The following KDM3B variants were observed in gnomAD, a reference collection of about 807,000 sequenced individuals.
KDM3B encodes lysine demethylase 3B, also known as lysine-specific demethylase 3B.
A neutral mutation model predicts 170.0 loss-of-function variants in KDM3B; 10 were observed. The ratio of observed to expected loss-of-function variants is 0.06; its 90% CI spans 0.04 to 0.10. The LOEUF (loss-of-function observed/expected upper bound fraction) is 0.10, where lower values mean the gene tolerates loss of function less well. Ranked by LOEUF, KDM3B falls within the 10% of genes least tolerant of loss-of-function variation. The pLI, the probability that KDM3B is intolerant of heterozygous loss-of-function variation, is 1.00. For missense variants in KDM3B, 1,394 were observed against 2,195.2 expected, an observed-to-expected ratio of 0.64 and a Z score of 7.29; for synonymous variants, 831 against 834.8, an observed-to-expected ratio of 1.00 and a Z score of 0.08.
chr5:138,410,548 G>A (rs189042381), intron 11 of KDM3B, among the ~76,000 whole-genome samples: 107 of 152,226 alleles, frequency 7.0e-4, no homozygotes, highest in African/African-American at 2.4e-3. Context: ...GTCTCTCCCC[G>A]TGTGCGGCGA....
At chr5:138,361,599 A>G (rs2126909121) in intron 1 of KDM3B, among the ~76,000 whole-genome samples, 1 of 152,346 alleles carries the variant, frequency 6.6e-6, no homozygotes, top group African/African-American at 2.4e-5. Context: ...TGTTTAAAGC[A>G]AGCAGCCTTG....
chr5:138,433,770 G>A (rs1275064257), intron 23 of KDM3B, among the ~76,000 whole-genome samples: 4 of 151,480 alleles, frequency 2.6e-5, no homozygotes, highest in African/African-American at 9.7e-5. Flanking sequence ...ATGGAGTCCC[G>A]CTCCGTTGCC....
chr5:138,424,397 C>G (rs1390964219), intron 16 of KDM3B, 56 bp downstream of exon 16: 2 of 1,553,796 alleles, frequency 1.3e-6, no homozygotes, highest in Non-Finnish European at 1.7e-6. Context: ...ACCACAGATA[C>G]CTGGACAATT....
chr5:138,359,454 G>GCC (rs532311604), intron 1 of KDM3B, among the ~76,000 whole-genome samples: 2 of 145,426 alleles, frequency 1.4e-5, no homozygotes, highest in African/African-American at 5.1e-5. Flanking sequence ...GAGCCACCGT[G>GCC]CCCCCCCCAC....
chr5:138,363,637 C>T (rs1684463789), intron 1 of KDM3B, among the ~76,000 whole-genome samples: 1 of 151,800 alleles, frequency 6.6e-6, no homozygotes, highest in Non-Finnish European at 1.5e-5. Context: ...TCCTCCGCAT[C>T]CCAGGTTCAA....
chr5:138,361,365 A>C (rs1761605917), intron 1 of KDM3B, among the ~76,000 whole-genome samples: 1 of 148,830 alleles, frequency 6.7e-6, no homozygotes. Context: ...TTTTTTCATG[A>C]CTTCAGAGGT....
At chr5:138,363,788 C>T (rs1025399468) in intron 1 of KDM3B, among the ~76,000 whole-genome samples, 4 of 152,162 alleles carry the variant, frequency 2.6e-5, no homozygotes, top group Non-Finnish European at 5.9e-5. Context: ...CCTGGTGATC[C>T]GCCTGCTTTG....
chr5:138,388,123 G>A (rs1762329926), intron 7 of KDM3B, among the ~76,000 whole-genome samples: 1 of 152,090 alleles, frequency 6.6e-6, no homozygotes, highest in Non-Finnish European at 1.5e-5. Flanking sequence ...GTCAAAGGCA[G>A]TGTGAATGTA....
At chr5:138,389,786 G>C (rs1254064000) in intron 7 of KDM3B, among the ~76,000 whole-genome samples, 6 of 150,688 alleles carry the variant, frequency 4.0e-5, no homozygotes, top group African/African-American at 1.5e-4. Flanking sequence ...CTCTCTCTGT[G>C]TGTGTGTGTG....
chr5:138,419,106 T>G lies in KDM3B; in HGVS notation c.3589T>G (p.Ser1197Ala), dbSNP rs1161927929. The G allele has an allele frequency of 6.2e-7, 1 of 1,614,198 alleles. No homozygotes were observed. The highest frequency in any genetic ancestry group is 1.7e-5 in the Admixed American group (1 of 60,014). ...RSEEPLKTDSSASNSNSELKA... is the reference protein window; with the variant it reads ...RSEEPLKTDSAASNSNSELKA... ...TGAAGAGCCTCTGAAAACAGACAGT[T>G]CGGCATCAAATAGCAATAGTGAACT... Residue 1197 changes from serine (S) to alanine (A), a missense_variant, in exon 14 of 24, where the codon TCG becomes GCG. Ser to Ala is a moderately conservative substitution (Grantham distance 99). Around this residue, in one of 19 missense-constraint regions of KDM3B, gnomAD observed 87 missense variants for 83.3 expected, o/e 1.04. Coordinates refer to ENST00000314358, the MANE Select transcript of KDM3B (RefSeq NM_016604.4).
chr5:138,399,830 A>G (rs1368246050), intron 10 of KDM3B, 30 bp from the exon 11 acceptor site: 6 of 1,604,378 alleles, frequency 3.7e-6, no homozygotes, highest in Non-Finnish European at 5.1e-6. Flanking sequence ...CAGGATGATC[A>G]ATGCCAATTC....
At position 138,426,574 on chromosome 5, in the gene KDM3B, CAAAAAAA is replaced by C. The variant is rs566978034; in HGVS notation, c.4412-386_4412-380del. ...TGGGCAACAGAGCGAGACTCCATCT[CAAAAAAA>C]AAAAAAAAAAAAAAGATTAGTCTCC... is the stretch of plus-strand genomic sequence containing the variant. On this transcript the variant is annotated intron_variant, in intron 17 of 23. Transcript: ENST00000314358. 5.8e-5 allele frequency among the ~76,000 whole-genome samples: 4 copies of C among 69,194 alleles called. No individual in the cohort carries two copies. In the Admixed American group the frequency reaches 6.8e-4, roughly 12 times the overall value. The allele number at this position is 69,194 out of a possible 152,430, so 45.4% of individuals were successfully genotyped here.
At chr5:138,387,931 A>C (rs1305712709) in intron 7 of KDM3B, among the ~76,000 whole-genome samples, 1 of 152,028 alleles carries the variant, frequency 6.6e-6, no homozygotes, top group Non-Finnish European at 1.5e-5. Context: ...AATACAAAAA[A>C]TTAGCCGGGC....
chr5:138,423,984 A>T, intron 15 of KDM3B, 91 bp from the exon 16 acceptor site: 2 of 1,318,770 alleles, frequency 1.5e-6, no homozygotes, highest in Non-Finnish European at 2.1e-6. Context: ...ACAGGTCAGA[A>T]CTCCTTGTGA....
intron 22 of KDM3B, among the ~76,000 whole-genome samples, chr5:138,430,691 G>C (rs185681786): frequency 1.9e-4 from 29 of 152,300 alleles, no homozygotes; most frequent in Admixed American, 1.7e-3. Context: ...GGGAGTTCAA[G>C]ATCAGCCTGA....
At chr5:138,392,405 C>T (rs1326483233) in intron 8 of KDM3B, 144 bp downstream of exon 8, 3 of 847,184 alleles carry the variant, frequency 3.5e-6, no homozygotes, top group African/African-American at 3.4e-5. Context: ...CTGGCAGAGG[C>T]CCCTCGTCAG....
At position 138,386,074 on chromosome 5, in the gene KDM3B, G is replaced by T; in HGVS notation, c.833G>T (p.Ser278Ile). ...KSSKGKKKRE[S>I]IEGKDGRRRK... ...TCCAAAGGAAAGAAGAAGAGAGAAAGCATAGAGGGGAAAGATGGCCGGAGG... is the reference window on the plus strand; with the variant it reads ...TCCAAAGGAAAGAAGAAGAGAGAAATCATAGAGGGGAAAGATGGCCGGAGG... The change falls in exon 7 of 24, where the codon AGC becomes ATC. Residue 278 changes from serine to isoleucine, a missense_variant. Around this residue, in one of 19 missense-constraint regions of KDM3B, gnomAD observed 166 missense variants for 216.4 expected, o/e 0.77. Transcript: ENST00000314358. The T allele has an allele frequency of 6.2e-7, 1 of 1,614,076 alleles. No homozygotes were observed. Among genetic ancestry groups the T allele is most frequent in the Non-Finnish European group, 8.5e-7 (1 of 1,179,988 alleles).
intron 11 of KDM3B, among the ~76,000 whole-genome samples, chr5:138,407,174 C>T (rs1182043701): frequency 2.6e-5 from 4 of 151,692 alleles, no homozygotes; most frequent in Non-Finnish European, 4.4e-5. Flanking sequence ...TTAGTAGAGA[C>T]GGGGTTTTGG....
In KDM3B at chr5:138,370,497, C is replaced by CA. The variant is rs893600535; in HGVS notation, c.193-2168dup. ...GGTTACTTGAGAACATGTATACAAA[C>CA]AAAAAAAAAGCCATTGTGAATTCAG... is the stretch of plus-strand genomic sequence containing the variant. On this transcript the variant is annotated intron_variant, in intron 1 of 23. Transcript: ENST00000314358. Among the ~76,000 whole-genome samples the CA allele has an allele frequency of 9.9e-4, 148 of 149,676 alleles. 1 individual carries two copies. The highest frequency in any genetic ancestry group is 4.2e-4 in the South Asian group (2 of 4,740).
Sources: allele counts gnomAD v4.1 joint callset (sites outside exome capture counted in the v4.1 genomes callset), GRCh38; gene constraint gnomAD v4.1.1; regional missense constraint gnomAD v4.1.1; transcripts MANE v1.5; gene names NCBI Gene and HGNC (gene_info 2026-07-23, HGNC 2026-07-21).